GALNT13: variants seen among roughly 807,000 people sequenced by gnomAD.
The protein encoded by GALNT13 is UDP-GalNAc:polypeptide N-acetylgalactosaminyltransferase 13.
In GALNT13, 28 loss-of-function variants were observed where a neutral mutation model predicts 64.2. The ratio of observed to expected loss-of-function variants is 0.44; its 90% CI spans 0.32 to 0.60. The LOEUF (loss-of-function observed/expected upper bound fraction) is 0.60, where lower values mean the gene tolerates loss of function less well. Ranked by LOEUF, GALNT13 falls within the 20% of genes least tolerant of loss-of-function variation. The probability of loss-of-function intolerance (pLI) is 0.05; values close to 1 mark genes in which losing one functional copy is unlikely to be tolerated. For missense variants in GALNT13, 577 were observed against 669.8 expected (o/e 0.86, Z 1.53); for synonymous variants, 214 against 224.6 (o/e 0.95, Z 0.42).
the GALNT13 span, among the ~76,000 whole-genome samples, chr2:153,659,482 C>T: frequency 7.9e-5 from 12 of 152,064 alleles, no homozygotes; most frequent in Admixed American, 2.0e-4. Context: ...CCTCTTCCTT[C>T]GAAGCTTAAG....
chr2:153,490,690 T>G, the GALNT13 span, among the ~76,000 whole-genome samples: 1 of 152,226 alleles, frequency 6.6e-6, no homozygotes, highest in Non-Finnish European at 1.5e-5. Context: ...CTGAGCGCAG[T>G]GGCTCACACC....
chr2:153,304,555 A>G, the GALNT13 span, among the ~76,000 whole-genome samples: 3 of 152,292 alleles, frequency 2.0e-5, no homozygotes, highest in Non-Finnish European at 2.9e-5. Flanking sequence ...AGAACCACCA[A>G]TATGCTACCA....
chr2:153,790,054 G>T, the GALNT13 span, among the ~76,000 whole-genome samples: 1 of 152,058 alleles, frequency 6.6e-6, no homozygotes, highest in Middle Eastern at 3.2e-3. Flanking sequence ...AAAAATTGAT[G>T]AGGAGGGACT....
At chr2:154,173,106 C>G (rs1039904089) in intron 4 of GALNT13, among the ~76,000 whole-genome samples, 1 of 151,924 alleles carries the variant, frequency 6.6e-6, no homozygotes, top group African/African-American at 2.4e-5. Context: ...ACCAAATCAG[C>G]ATGGTATTGG....
the GALNT13 span, among the ~76,000 whole-genome samples, chr2:153,558,972 G>A: frequency 1.3e-5 from 2 of 152,128 alleles, no homozygotes; most frequent in Non-Finnish European, 2.9e-5. Context: ...GATGCTTGGT[G>A]CATAGAAATG....
At chr2:153,720,442 C>T in the GALNT13 span, among the ~76,000 whole-genome samples, 1,243 of 151,760 alleles carry the variant, frequency 8.2e-3, 9 homozygotes, top group Non-Finnish European at 0.01. Context: ...TCACCAGCAA[C>T]GGAACAAAGC....
chr2:153,147,527 C>T, the GALNT13 span, among the ~76,000 whole-genome samples: 4 of 147,084 alleles, frequency 2.7e-5, no homozygotes, highest in African/African-American at 1.0e-4. Context: ...TTCAGGAGTT[C>T]AGGAAGCATT....
chr2:154,231,217 C>T (rs1313478169), intron 4 of GALNT13, among the ~76,000 whole-genome samples: 2 of 152,060 alleles, frequency 1.3e-5, no homozygotes, highest in African/African-American at 4.8e-5. Context: ...GCAGCTATTT[C>T]CTCGGTTTCC....
chr2:153,455,379 G>C, the GALNT13 span, among the ~76,000 whole-genome samples: 1 of 152,290 alleles, frequency 6.6e-6, no homozygotes, highest in Non-Finnish European at 1.5e-5. Context: ...GGGGTGCCTC[G>C]TTTACTCAGC....
the GALNT13 span, among the ~76,000 whole-genome samples, chr2:153,809,794 A>C: frequency 2.0e-5 from 3 of 152,138 alleles, no homozygotes; most frequent in African/African-American, 7.2e-5. Flanking sequence ...ACTTGTCTCT[A>C]TACTTTATTA....
At chr2:153,778,715 T>C in the GALNT13 span, among the ~76,000 whole-genome samples, 1 of 152,238 alleles carries the variant, frequency 6.6e-6, no homozygotes, top group Non-Finnish European at 1.5e-5. Context: ...CAATCTCTAT[T>C]ATAATCTCAA....
the GALNT13 span, among the ~76,000 whole-genome samples, chr2:153,155,217 A>G: frequency 6.6e-6 from 1 of 152,152 alleles, no homozygotes; most frequent in African/African-American, 2.4e-5. Context: ...AGGTTTTTGT[A>G]TCAGGATGAT....
chr2:153,441,614 CTT>C, the GALNT13 span, among the ~76,000 whole-genome samples: 2 of 152,126 alleles, frequency 1.3e-5, no homozygotes, highest in African/African-American at 4.8e-5. Context: ...TGTGTCCTCT[CTT>C]ATTTCCTTGA....
intron 10 of GALNT13, among the ~76,000 whole-genome samples, chr2:154,396,611 T>C (rs1699065576): frequency 1.3e-5 from 2 of 152,264 alleles, no homozygotes; most frequent in South Asian, 4.1e-4. Context: ...GATTGTATTT[T>C]TGTAAATTGC....
intron 4 of GALNT13, among the ~76,000 whole-genome samples, chr2:154,188,673 G>A (rs911108045): frequency 6.6e-6 from 1 of 152,098 alleles, no homozygotes; most frequent in Non-Finnish European, 1.5e-5. Flanking sequence ...TATTTCATTT[G>A]TCCTTGTATA....
chr2:153,399,901 T>C, the GALNT13 span, among the ~76,000 whole-genome samples: 9 of 151,030 alleles, frequency 6.0e-5, no homozygotes, highest in South Asian at 2.1e-4. Context: ...CTTTTCCTAA[T>C]TGAATACCCT....
intron 3 of GALNT13, among the ~76,000 whole-genome samples, chr2:154,131,716 C>T (rs952234455): frequency 2.0e-5 from 3 of 152,128 alleles, no homozygotes; most frequent in Admixed American, 6.5e-5. Flanking sequence ...AGGATAGATG[C>T]ATATATAAAA....
At chr2:154,276,055 C>A (rs1454341517) in intron 8 of GALNT13, among the ~76,000 whole-genome samples, 1 of 152,050 alleles carries the variant, frequency 6.6e-6, no homozygotes, top group East Asian at 1.9e-4. Context: ...GTATATTTAC[C>A]CAGTGCCTGT....
At chr2:153,382,245 A>C in the GALNT13 span, among the ~76,000 whole-genome samples, 2 of 152,064 alleles carry the variant, frequency 1.3e-5, no homozygotes, top group Non-Finnish European at 2.9e-5. Context: ...CAGGGGGTAC[A>C]TGTGCAGGTT....
Sources: gnomAD v4.1 joint callset for allele counts (sites outside exome capture counted in the v4.1 genomes callset) on GRCh38, gnomAD v4.1.1 for gene constraint, MANE v1.5 for transcripts, NCBI Gene and HGNC (gene_info 2026-07-23, HGNC 2026-07-21) for gene names.